SAMD5: variants seen among roughly 807,000 people sequenced by gnomAD.
SAMD5 encodes sterile alpha motif domain containing 5.
Under a neutral mutation model 11.3 loss-of-function variants are expected in SAMD5, and 13 were observed. The ratio of observed to expected loss-of-function variants is 1.15; its 90% CI spans 0.75 to 1.83. The LOEUF (loss-of-function observed/expected upper bound fraction) is 1.83, where lower values mean the gene tolerates loss of function less well. SAMD5 is among the 40% of genes most tolerant of loss of function. SAMD5 has a pLI of 0.00. For synonymous variants in SAMD5, 129 were observed against 111.3 expected (o/e 1.16, Z -1.00); for missense variants, 255 against 239.1 (o/e 1.07, Z -0.44).
In SAMD5 at chr6:147,684,269, T is replaced by C. The variant is rs542793931; in HGVS notation, c.163-53048T>C. On this transcript the variant is annotated intron_variant, in intron 1 of 1. Transcript: ENST00000566741. Reference sequence around the variant, plus strand: ...AAGATTCCTCCATGTTATTGCTTGTTGTTGTAATCTATTCATCTTACTTCT... The same window carrying C: ...AAGATTCCTCCATGTTATTGCTTGTCGTTGTAATCTATTCATCTTACTTCT... Among the ~76,000 whole-genome samples the C allele has an allele frequency of 2.0e-5, 3 of 152,262 alleles. No individual in the cohort carries two copies. In the South Asian group the frequency reaches 6.2e-4, roughly 32 times the overall value.
chr6:147,921,198 T>A, the SAMD5 span, among the ~76,000 whole-genome samples: 5 of 151,690 alleles, frequency 3.3e-5, no homozygotes, highest in African/African-American at 1.2e-4. Context: ...GGAAAACCAC[T>A]GACTGTGGTT....
the SAMD5 span, among the ~76,000 whole-genome samples, chr6:147,914,535 G>A: frequency 2.6e-5 from 4 of 152,118 alleles, no homozygotes; most frequent in Non-Finnish European, 5.9e-5. Context: ...CATTGCTTGC[G>A]GTGAACTCGG....
the SAMD5 span, among the ~76,000 whole-genome samples, chr6:147,903,429 T>C: frequency 6.6e-6 from 1 of 152,158 alleles, no homozygotes; most frequent in Non-Finnish European, 1.5e-5. Flanking sequence ...TGCATGTTTT[T>C]GCTAAATGTG....
chr6:147,683,429 A>G (rs188153919), intron 1 of SAMD5, among the ~76,000 whole-genome samples: 8 of 152,362 alleles, frequency 5.3e-5, no homozygotes, highest in Admixed American at 3.9e-4. Flanking sequence ...ATTAAAATGC[A>G]GATGTATTTA....
chr6:147,786,057 A>G, the SAMD5 span, among the ~76,000 whole-genome samples: 1 of 152,144 alleles, frequency 6.6e-6, no homozygotes, highest in African/African-American at 2.4e-5. Flanking sequence ...AGGCATGCTC[A>G]CTTTTTCACA....
the SAMD5 span, among the ~76,000 whole-genome samples, chr6:147,747,973 T>C: frequency 2.6e-5 from 4 of 152,192 alleles, no homozygotes; most frequent in Non-Finnish European, 4.4e-5. Context: ...TACATGTTGG[T>C]GGGAACAATT....
the SAMD5 span, among the ~76,000 whole-genome samples, chr6:147,861,159 C>T: frequency 6.7e-6 from 1 of 149,612 alleles, no homozygotes; most frequent in East Asian, 1.9e-4. Context: ...CTGCAGCTCA[C>T]TGTGATTATT....
chr6:147,768,553 T>C, the SAMD5 span, among the ~76,000 whole-genome samples: 2 of 151,972 alleles, frequency 1.3e-5, no homozygotes, highest in African/African-American at 4.8e-5. Context: ...AAACAAAGAA[T>C]AGTGACAATA....
At chr6:147,919,128 G>A in the SAMD5 span, among the ~76,000 whole-genome samples, 261 of 152,276 alleles carry the variant, frequency 1.7e-3, 1 homozygote, top group Non-Finnish European at 2.9e-3. Flanking sequence ...GGCAAATGGC[G>A]TAGTTTACAC....
At chr6:147,724,067 CA>C (rs1288666045) in intron 1 of SAMD5, among the ~76,000 whole-genome samples, 2 of 152,150 alleles carry the variant, frequency 1.3e-5, no homozygotes, top group Non-Finnish European at 2.9e-5. Context: ...GGAAATAATT[CA>C]ACATTTTTCT....
chr6:147,651,879 C>A (rs75930648), intron 1 of SAMD5, among the ~76,000 whole-genome samples: 5,332 of 152,202 alleles, frequency 0.035, 315 homozygotes, highest in African/African-American at 0.12. Context: ...CAGCTGAAGA[C>A]CAGAGTGATT....
chr6:147,538,081 C>A (rs1314154265), intron 1 of SAMD5, among the ~76,000 whole-genome samples: 1 of 151,900 alleles, frequency 6.6e-6, no homozygotes, highest in South Asian at 2.1e-4. Context: ...TTTTTAGAAC[C>A]CTTTACAATT....
the SAMD5 span, among the ~76,000 whole-genome samples, chr6:147,806,883 A>G: frequency 8.4e-3 from 1,277 of 152,218 alleles, 14 homozygotes; most frequent in African/African-American, 0.03. Context: ...TAATGGGATT[A>G]GTGGCCTTGT....
At chr6:147,865,313 AGTGTGTGTGTGTGTGTGTGTGTGTGTGT>A in the SAMD5 span, among the ~76,000 whole-genome samples, 3 of 147,162 alleles carry the variant, frequency 2.0e-5, no homozygotes, top group East Asian at 4.0e-4. Context: ...TAGGTATATA[AGTGTGTGTGTGTGTGTGTGTGTGTGTGT>A]GTGTGTGTGT....
intron 1 of SAMD5, among the ~76,000 whole-genome samples, chr6:147,540,180 G>A (rs1788577366): frequency 1.3e-5 from 2 of 151,988 alleles, no homozygotes; most frequent in Admixed American, 6.6e-5. Flanking sequence ...GCTAATAGGG[G>A]GGAAAACCTC....
intron 1 of SAMD5, among the ~76,000 whole-genome samples, chr6:147,689,279 A>G (rs1023122078): frequency 6.6e-6 from 1 of 152,230 alleles, no homozygotes; most frequent in Non-Finnish European, 1.5e-5. Context: ...TGAAAGGTAA[A>G]TGCAAACTCT....
At chr6:147,523,137 A>G (rs1031814517) in intron 1 of SAMD5, among the ~76,000 whole-genome samples, 1 of 152,050 alleles carries the variant, frequency 6.6e-6, no homozygotes, top group Non-Finnish European at 1.5e-5. Context: ...TCAGTGAAAT[A>G]TACACTTAGG....
At chr6:147,887,326 A>AT in the SAMD5 span, among the ~76,000 whole-genome samples, 11 of 152,276 alleles carry the variant, frequency 7.2e-5, no homozygotes, top group African/African-American at 2.2e-4. Flanking sequence ...GTCCCTTTGT[A>AT]ATCTCATCCC....
chr6:147,828,018 C>G, the SAMD5 span, among the ~76,000 whole-genome samples: 3 of 151,920 alleles, frequency 2.0e-5, no homozygotes, highest in Admixed American at 6.6e-5. Flanking sequence ...GATCTCCTGA[C>G]CTCGTGATCT....
Sources: gnomAD v4.1 joint callset for allele counts (sites outside exome capture counted in the v4.1 genomes callset) on GRCh38, gnomAD v4.1.1 for gene constraint, MANE v1.5 for transcripts, NCBI Gene and HGNC (gene_info 2026-07-23, HGNC 2026-07-21) for gene names.